The following MALRD1 variants were observed in gnomAD, a reference collection of about 807,000 sequenced individuals.
MALRD1 encodes MAM and LDL-receptor class A domain-containing protein 1.
A neutral mutation model predicts 242.1 loss-of-function variants in MALRD1; 247 were observed. The ratio of observed to expected loss-of-function variants is 1.02; its 90% CI spans 0.92 to 1.13. The LOEUF is 1.13. Ranked by LOEUF, MALRD1 falls within the 50% of genes most tolerant of loss-of-function variation. The pLI, the probability that MALRD1 is intolerant of heterozygous loss-of-function variation, is 0.00. For missense variants in MALRD1, 2,989 were observed against 2,533.1 expected (o/e 1.18, Z -3.86); for synonymous variants, 995 against 866.6 (o/e 1.15, Z -2.60).
chr10:19,088,024 A>G lies in MALRD1; in HGVS notation c.436A>G (p.Ile146Val), dbSNP rs966049968. 1 of 1,233,322 alleles carries G rather than the reference A, an allele frequency of 8.1e-7. No individual in the cohort carries two copies. The highest frequency in any genetic ancestry group is 4.1e-5 in the South Asian group (1 of 24,404). The allele number at this position is 1,233,322 out of a possible 1,614,324, so 76.4% of individuals were successfully genotyped here. Residue 146 changes from isoleucine (I) to valine (V), a missense_variant and splice_region_variant, in exon 4 of 40, where the codon ATT becomes GTT. By Grantham distance (29) the Ile-to-Val change is conservative. Transcript: ENST00000454679. ...LPTNDQHDCQ[I>V]TFYYFSCQVS... ...TTTGGGTACTAATTGTCTTTCACAG[A>G]TTACATTTTATTACTTCTCCTGCCA...
intron 18 of MALRD1, among the ~76,000 whole-genome samples, chr10:19,235,578 CAGAGAGAGAGAGAGAGAG>C (rs34117417): frequency 3.8e-5 from 5 of 132,396 alleles, no homozygotes; most frequent in South Asian, 3.0e-4. Flanking sequence ...CCCACACCCA[CAGAGAGAGAGAGAGAGAG>C]AGAGAGAGAG....
At chr10:19,620,006 C>T (rs981363436) in intron 36 of MALRD1, among the ~76,000 whole-genome samples, 6 of 140,414 alleles carry the variant, frequency 4.3e-5, no homozygotes, top group African/African-American at 1.6e-4. Context: ...GTTCCTGTCT[C>T]AATAATAATA....
At chr10:19,613,638 C>G (rs1252828469) in intron 35 of MALRD1, among the ~76,000 whole-genome samples, 2 of 152,064 alleles carry the variant, frequency 1.3e-5, no homozygotes, top group Non-Finnish European at 2.9e-5. Flanking sequence ...TAGTCTTGGT[C>G]TTTCTGTTGA....
intron 21 of MALRD1, among the ~76,000 whole-genome samples, chr10:19,292,714 A>C (rs1476034642): frequency 6.6e-6 from 1 of 151,952 alleles, no homozygotes. Flanking sequence ...AACACGGTGA[A>C]ACCCCGTCTC....
Position 19,285,078 on chromosome 10 carries a change from C to T in MALRD1, c.3419+1897C>T, listed in dbSNP as rs1175684122. Among the ~76,000 whole-genome samples the T allele has an allele frequency of 1.4e-3, 186 of 128,772 alleles. 1 individual carries two copies. Among genetic ancestry groups the T allele is most frequent in the Non-Finnish European group, 1.9e-3 (121 of 63,094 alleles). 84.5% of individuals were successfully genotyped at this position (128,772 alleles called of 152,430 possible). A position where few individuals can be genotyped will look rare whatever the true frequency, so the allele number is the denominator to read the frequency against. On this transcript the variant is annotated intron_variant, in intron 21 of 39. Transcript: ENST00000454679. Reference sequence around the variant, plus strand: ...TTGAGAAGTGTCTGTTCATGTCCTTCGCCCACTTTTTGTTGGGGTTGTTTG... The same window carrying T: ...TTGAGAAGTGTCTGTTCATGTCCTTTGCCCACTTTTTGTTGGGGTTGTTTG...
Position 19,087,884 on chromosome 10 carries a change from A to C in MALRD1, c.385A>C (p.Ser129Arg), listed in dbSNP as rs1030591797. The C allele has an allele frequency of 4.1e-6, 5 of 1,233,184 alleles. No homozygotes were observed. Among genetic ancestry groups the C allele is most frequent in the South Asian group, 4.1e-5 (1 of 24,406 alleles). 76.4% of individuals were successfully genotyped at this position (1,233,184 alleles called of 1,614,324 possible). ...LVSRVDSISSSLRSRVFLPTN... is the reference protein window; with the variant it reads ...LVSRVDSISSRLRSRVFLPTN... ...TTCCAGAGTGGATTCTATTTCCTCA[A>C]GTTTAAGAAGCAGAGTTTTCCTTCC... The change falls in exon 3 of 40, where the codon AGT (serine) becomes CGT (arginine). Residue 129 changes from serine to arginine, a missense_variant. Transcript: ENST00000454679.
intron 29 of MALRD1, among the ~76,000 whole-genome samples, chr10:19,473,956 C>T (rs978561273): frequency 7.9e-5 from 12 of 152,264 alleles, no homozygotes; most frequent in African/African-American, 2.4e-4. Context: ...ACGAGGGTTC[C>T]ATTTTCTCCA....
intron 24 of MALRD1, among the ~76,000 whole-genome samples, chr10:19,335,458 G>A (rs1014487215): frequency 6.6e-6 from 1 of 152,004 alleles, no homozygotes; most frequent in African/African-American, 2.4e-5. Flanking sequence ...TAGTTATAAA[G>A]TGGCTGGAAT....
intron 38 of MALRD1, among the ~76,000 whole-genome samples, chr10:19,699,514 G>A (rs1833525920): frequency 2.6e-5 from 4 of 152,112 alleles, no homozygotes; most frequent in African/African-American, 9.7e-5. Context: ...TAGGGGCAGG[G>A]TTGAGCTGAA....
At chr10:19,121,993 C>T (rs902647726) in intron 5 of MALRD1, among the ~76,000 whole-genome samples, 1 of 152,188 alleles carries the variant, frequency 6.6e-6, no homozygotes, top group Non-Finnish European at 1.5e-5. Flanking sequence ...TTTCAGTCTG[C>T]ATGATTGTGA....
At position 19,352,202 on chromosome 10, in the gene MALRD1, G is replaced by A. The variant is rs144859836; in HGVS notation, c.4346G>A (p.Arg1449His). 271 of 1,550,450 alleles carry A rather than the reference G, an allele frequency of 1.7e-4. 1 individual carries two copies. In the African/African-American group the frequency reaches 2.7e-3, roughly 16 times the overall value. ...KFEGRVGKGQ[R>H]GDIALDDIVL... The stretch of plus-strand genomic sequence containing the variant: ...GAAGGTAGAGTTGGGAAAGGTCAGC[G>A]TGGAGACATTGCACTTGATGACATT... Residue 1449 changes from arginine to histidine, a missense_variant, in exon 26 of 40, where the codon CGT (arginine) becomes CAT (histidine). Arg to His is a conservative substitution (Grantham distance 29). Coordinates refer to ENST00000454679, the MANE Select transcript of MALRD1 (RefSeq NM_001142308.3).
intron 33 of MALRD1, among the ~76,000 whole-genome samples, chr10:19,588,123 TAA>T (rs1395622637): frequency 1.3e-5 from 2 of 152,212 alleles, no homozygotes; most frequent in African/African-American, 2.4e-5. Context: ...TACTTAATTA[TAA>T]GTTTATATTC....
intron 5 of MALRD1, among the ~76,000 whole-genome samples, chr10:19,114,506 G>T (rs745668454): frequency 6.6e-6 from 1 of 152,054 alleles, no homozygotes; most frequent in Non-Finnish European, 1.5e-5. Context: ...GCATGATGGC[G>T]TGCAGCTGTA....
intron 38 of MALRD1, among the ~76,000 whole-genome samples, chr10:19,705,710 T>C (rs1361718433): frequency 1.3e-5 from 2 of 151,146 alleles, no homozygotes; most frequent in African/African-American, 2.4e-5. Context: ...TCCTCCTCCT[T>C]TTTTCTTCTT....
chr10:19,593,182 T>C (rs1400016841), intron 33 of MALRD1, among the ~76,000 whole-genome samples: 1 of 152,212 alleles, frequency 6.6e-6, no homozygotes, highest in Non-Finnish European at 1.5e-5. Flanking sequence ...CATTGGAACA[T>C]TGCAATTTTA....
At chr10:19,464,095 T>C (rs1331886184) in intron 29 of MALRD1, among the ~76,000 whole-genome samples, 2 of 152,216 alleles carry the variant, frequency 1.3e-5, no homozygotes, top group African/African-American at 4.8e-5. Flanking sequence ...TTGAGTTCAT[T>C]GTAGATTCTG....
intron 26 of MALRD1, among the ~76,000 whole-genome samples, chr10:19,364,532 G>A (rs1166011262): frequency 6.6e-6 from 1 of 151,962 alleles, no homozygotes; most frequent in Non-Finnish European, 1.5e-5. Flanking sequence ...AGAATTATTG[G>A]CATTATCTTG....
intron 12 of MALRD1, among the ~76,000 whole-genome samples, chr10:19,159,287 T>A (rs1834295188): frequency 6.6e-6 from 1 of 152,196 alleles, no homozygotes; most frequent in Non-Finnish European, 1.5e-5. Context: ...ATATACTTAT[T>A]CCCAGCTGAA....
intron 6 of MALRD1, among the ~76,000 whole-genome samples, chr10:19,124,300 A>G (rs1379198112): frequency 2.6e-5 from 4 of 152,206 alleles, no homozygotes; most frequent in Admixed American, 2.6e-4. Flanking sequence ...GCAATGGGTC[A>G]CATTTGAGAG....
Sources: gnomAD v4.1 joint callset for allele counts (sites outside exome capture counted in the v4.1 genomes callset) on GRCh38, gnomAD v4.1.1 for gene constraint, MANE v1.5 for transcripts, NCBI Gene and HGNC (gene_info 2026-07-23, HGNC 2026-07-21) for gene names.